The following GRIK3 variants were observed in gnomAD, a reference collection of about 807,000 sequenced individuals.
GRIK3 encodes the protein glutamate receptor ionotropic, kainate 3.
In GRIK3, 29 loss-of-function variants were observed where a neutral mutation model predicts 102.5. The ratio of observed to expected loss-of-function variants is 0.28; its 90% CI spans 0.21 to 0.39. The LOEUF is 0.39. GRIK3 is among the 10% of genes least tolerant of loss of function. The pLI is 1.00. For missense variants in GRIK3, 908 were observed against 1,252.4 expected, an observed-to-expected ratio of 0.73 and a Z score of 4.15; for synonymous variants, 511 against 504.9, an observed-to-expected ratio of 1.01 and a Z score of -0.16.
At chr1:36,923,489 C>A (rs1386898148) in intron 1 of GRIK3, among the ~76,000 whole-genome samples, 2 of 152,050 alleles carry the variant, frequency 1.3e-5, no homozygotes, top group Non-Finnish European at 2.9e-5. Context: ...GGGCTTAAGG[C>A]AGAAGCAGCA....
rs185051278 is a variant in GRIK3 at position 37,015,269 on chromosome 1, T to C, written c.115+18725A>G. Among the ~76,000 whole-genome samples, 12 of 152,186 alleles carry C rather than the reference T, an allele frequency of 7.9e-5. No individual in the cohort carries two copies. The East Asian group carries it at 2.3e-3, about 29-fold the overall frequency. ...AGCAAAGGGAGCCTGTGGGGATAACTCACACACCCAAAGTAAACCCCAGCA... is the reference window on the plus strand; with the variant it reads ...AGCAAAGGGAGCCTGTGGGGATAACCCACACACCCAAAGTAAACCCCAGCA... On this transcript the variant is annotated intron_variant, in intron 1 of 15. Coordinates refer to ENST00000373091, the MANE Select transcript of GRIK3 (RefSeq NM_000831.4).
chr1:36,797,692 A>G lies in GRIK3; in HGVS notation c.*4159T>C, dbSNP rs1642383693. On this transcript the variant is annotated 3_prime_UTR_variant, in exon 16 of 16. Transcript: ENST00000373091. Reference sequence around the variant, plus strand: ...TCCACACAGGACCACTCCAGATGTGAGCCAGAGAGGCCAGCCTACTTTCAG... The same window carrying G: ...TCCACACAGGACCACTCCAGATGTGGGCCAGAGAGGCCAGCCTACTTTCAG... 1 of 152,258 alleles carries G rather than the reference A, an allele frequency of 6.6e-6. No individual in the cohort carries two copies. Among genetic ancestry groups the G allele is most frequent in the South Asian group, 2.1e-4 (1 of 4,830 alleles). 9.4% of individuals were successfully genotyped at this position (152,258 alleles called of 1,614,324 possible).
chr1:36,894,174 A>G (rs1641147943), intron 1 of GRIK3, among the ~76,000 whole-genome samples: 1 of 152,164 alleles, frequency 6.6e-6, no homozygotes. Flanking sequence ...AGTCAATTAT[A>G]GTTTTCATTC....
chr1:37,007,713 C>T (rs114829303), intron 1 of GRIK3, among the ~76,000 whole-genome samples: 3,922 of 152,302 alleles, frequency 0.026, 73 homozygotes, highest in Non-Finnish European at 0.038. Flanking sequence ...ACAATTGGTT[C>T]AACAATGACT....
At chr1:36,878,787 G>A (rs150003169) in intron 3 of GRIK3, among the ~76,000 whole-genome samples, 65 of 152,264 alleles carry the variant, frequency 4.3e-4, no homozygotes, top group African/African-American at 1.5e-3. Flanking sequence ...CACCTCTTTG[G>A]GACTCAGTTT....
intron 14 of GRIK3, 101 bp from the exon 15 acceptor site, chr1:36,805,338 G>A: frequency 2.4e-6 from 3 of 1,250,860 alleles, no homozygotes; most frequent in Non-Finnish European, 3.3e-6. Context: ...TAGCCCTCTG[G>A]ATCAGCTCAT....
intron 1 of GRIK3, among the ~76,000 whole-genome samples, chr1:36,994,126 C>T (rs548788152): frequency 2.0e-5 from 3 of 152,334 alleles, no homozygotes; most frequent in South Asian, 2.1e-4. Flanking sequence ...CTGAGGATTC[C>T]ACGCATGGTC....
rs184884056 is a variant in GRIK3 at position 36,820,517 on chromosome 1, C to A, written c.1755-663G>T. 1.8e-3 allele frequency among the ~76,000 whole-genome samples: 278 copies of A among 152,236 alleles called. 3 individuals are homozygous for A. In the East Asian group the frequency reaches 0.027, roughly 15 times the overall value. On this transcript the variant is annotated intron_variant, in intron 11 of 15. Transcript: ENST00000373091. Reference sequence around the variant, plus strand: ...GTCTGAAAGGGTCTCTAGATAAAAACTATCAGTGTTTACTTCTGGGGAGGG... The same window carrying A: ...GTCTGAAAGGGTCTCTAGATAAAAAATATCAGTGTTTACTTCTGGGGAGGG...
rs146802690 is a variant in GRIK3 at position 36,873,773 on chromosome 1, G to A, written c.551-1404C>T. Among the ~76,000 whole-genome samples the A allele has an allele frequency of 2.6e-5, 4 of 152,322 alleles. No homozygotes were observed. The East Asian group carries it at 7.7e-4, about 29-fold the overall frequency. On this transcript the variant is annotated intron_variant, in intron 3 of 15. Transcript: ENST00000373091. ...GCACATGGCCCCAGCCTGGGAATAG[G>A]TATTGACTCAGAGATAGGTACAATA...
chr1:36,968,313 G>A (rs1557445631), intron 1 of GRIK3, among the ~76,000 whole-genome samples: 1 of 147,236 alleles, frequency 6.8e-6, no homozygotes, highest in Non-Finnish European at 1.5e-5. Flanking sequence ...ATTTATTTTT[G>A]TCTCCGCCCT....
chr1:36,971,794 C>T (rs751431668), intron 1 of GRIK3, among the ~76,000 whole-genome samples: 3 of 152,164 alleles, frequency 2.0e-5, no homozygotes, highest in Admixed American at 2.0e-4. Flanking sequence ...GCACAGTCAT[C>T]AGCATCCACA....
intron 1 of GRIK3, among the ~76,000 whole-genome samples, chr1:36,935,402 A>G (rs1293272564): frequency 6.6e-6 from 1 of 152,176 alleles, no homozygotes; most frequent in Non-Finnish European, 1.5e-5. Flanking sequence ...ATCCAAATAC[A>G]TGCATTAGCA....
intron 3 of GRIK3, among the ~76,000 whole-genome samples, chr1:36,876,764 T>G (rs1640915947): frequency 1.3e-5 from 2 of 152,188 alleles, no homozygotes; most frequent in African/African-American, 4.8e-5. Flanking sequence ...CTACCCACTA[T>G]ACATCATCAA....
chr1:36,937,440 A>G (rs1188448681), intron 1 of GRIK3, among the ~76,000 whole-genome samples: 4 of 152,186 alleles, frequency 2.6e-5, no homozygotes, highest in Non-Finnish European at 5.9e-5. Context: ...TGGAAGCTAT[A>G]ATCAGCCTGT....
chr1:36,948,915 C>T (rs919529350), intron 1 of GRIK3, among the ~76,000 whole-genome samples: 10 of 152,206 alleles, frequency 6.6e-5, no homozygotes, highest in Admixed American at 1.3e-4. Context: ...GCTGGCTGCT[C>T]CTCAAGCTAG....
At chr1:36,967,493 T>C (rs1322466190) in intron 1 of GRIK3, among the ~76,000 whole-genome samples, 4 of 152,142 alleles carry the variant, frequency 2.6e-5, no homozygotes, top group African/African-American at 7.2e-5. Context: ...TGTGTCTCTA[T>C]GGAAACACTG....
At chr1:37,007,408 G>C (rs907890471) in intron 1 of GRIK3, among the ~76,000 whole-genome samples, 3 of 152,164 alleles carry the variant, frequency 2.0e-5, no homozygotes, top group African/African-American at 7.2e-5. Context: ...GGAAGAAGAG[G>C]GAAGAGTCCA....
chr1:36,833,973 G>A (rs1404304682), intron 10 of GRIK3, among the ~76,000 whole-genome samples: 2 of 152,200 alleles, frequency 1.3e-5, no homozygotes, highest in South Asian at 2.1e-4. Context: ...GGGTCACAGT[G>A]ACTCCCCACT....
Position 36,806,347 on chromosome 1 carries a change from T to G in GRIK3, c.2092-21A>C. 3 of 1,520,422 alleles carry G rather than the reference T, an allele frequency of 2.0e-6. No individual in the cohort carries two copies. Among genetic ancestry groups the G allele is most frequent in the Non-Finnish European group, 2.7e-6 (3 of 1,097,684 alleles). The allele number at this position is 1,520,422 out of a possible 1,614,324, so 94.2% of individuals were successfully genotyped here. ...GATTTCTGGGCCGTGAGGGAAGGGG[T>G]GATGCACACACCGTTACTAGGCGCA... On this transcript the variant is annotated intron_variant, in intron 13 of 15. Coordinates refer to ENST00000373091, the MANE Select transcript of GRIK3 (RefSeq NM_000831.4). The surrounding 1 kb of genome is among the most constrained non-coding windows in gnomAD (Gnocchi z 4.0).
Sources: allele counts gnomAD v4.1 joint callset (sites outside exome capture counted in the v4.1 genomes callset), GRCh38; gene constraint gnomAD v4.1.1; non-coding constraint Gnocchi (gnomAD v3.1); transcripts MANE v1.5; gene names NCBI Gene and HGNC (gene_info 2026-07-23, HGNC 2026-07-21).